LCN2: variants seen among roughly 807,000 people sequenced by gnomAD.
The protein encoded by LCN2 is neutrophil gelatinase-associated lipocalin.
In LCN2, 27 loss-of-function variants were observed where a neutral mutation model predicts 26.4. That is an observed-to-expected ratio of 1.02 (90% CI 0.76 to 1.41). The LOEUF (loss-of-function observed/expected upper bound fraction) is 1.41. LCN2 is among the 40% of genes most tolerant of loss of function. LCN2 has a pLI of 0.00. For synonymous variants in LCN2, 94 were observed against 98.9 expected, an observed-to-expected ratio of 0.95 and a Z score of 0.30; for missense variants, 224 against 237.6, an observed-to-expected ratio of 0.94 and a Z score of 0.38.
chr9:128,150,140 G>A, intron 1 of LCN2, 98 bp from the exon 2 acceptor site: 1 of 1,496,120 alleles, frequency 6.7e-7, no homozygotes, highest in Non-Finnish European at 9.0e-7. Context: ...GGGGCTCATG[G>A]TTCCAAGCTG....
chr9:128,152,296 T>C lies in LCN2; in HGVS notation c.577+12T>C, dbSNP rs1167101427. On this transcript the variant is annotated intron_variant, in intron 5 of 6. Coordinates refer to ENST00000277480, the MANE Select transcript of LCN2 (RefSeq NM_005564.5). ...CCCTGTCCCAATCGGTAATGGCCAGTCTGGATGAGGGGACGGGGACATGGG... is the reference window on the plus strand; with the variant it reads ...CCCTGTCCCAATCGGTAATGGCCAGCCTGGATGAGGGGACGGGGACATGGG... The C allele has an allele frequency of 1.1e-5, 17 of 1,610,012 alleles. No individual in the cohort carries two copies. Among genetic ancestry groups the C allele is most frequent in the Non-Finnish European group, 1.3e-5 (15 of 1,176,598 alleles).
At chr9:128,151,870 A>G (rs1835010576) in intron 3 of LCN2, 36 bp from the exon 4 acceptor site, 1 of 1,612,544 alleles carries the variant, frequency 6.2e-7, no homozygotes, top group Non-Finnish European at 8.5e-7. Context: ...CCTCCCATCC[A>G]GGGCAGGGCT....
At position 128,149,534 on chromosome 9, in the gene LCN2, AG is replaced by A; in HGVS notation, c.11del (p.Gly4ValfsTer7). ...TCCTCGGCCCTGAAATCATGCCCCT[AG>A]GTCTCCTGTGGCTGGGCCTAGCCCT... Reference protein sequence around the residue: MPLGLLWLGLALLG... With the variant: MPLXLLWLGLALLG... On this transcript the variant is annotated frameshift_variant, in exon 1 of 7. Coordinates refer to ENST00000277480, the MANE Select transcript of LCN2 (RefSeq NM_005564.5). LOFTEE classifies it high-confidence loss of function. The A allele has an allele frequency of 6.2e-7, 1 of 1,611,934 alleles. No individual in the cohort carries two copies. The highest frequency in any genetic ancestry group is 8.5e-7 in the Non-Finnish European group (1 of 1,178,802).
Position 128,151,961 on chromosome 9 carries a change from G to T in LCN2, c.411G>T (p.Gln137His). The change falls in exon 4 of 7, where the codon CAG (glutamine) becomes CAT (histidine). Residue 137 changes from glutamine (Q) to histidine (H), a missense_variant. Transcript: ENST00000277480. Reference protein sequence around the residue: ...LVRVVSTNYNQHAMVFFKKVS... With the variant: ...LVRVVSTNYNHHAMVFFKKVS... The stretch of plus-strand genomic sequence containing the variant: ...GAGTGGTGAGCACCAACTACAACCA[G>T]CATGCTATGGTGTTCTTCAAGAAAG... 1.9e-6 allele frequency: 3 copies of T among 1,614,126 alleles called. No individual in the cohort carries two copies. Among genetic ancestry groups the T allele is most frequent in the Non-Finnish European group, 2.5e-6 (3 of 1,179,992 alleles).
At chr9:128,149,767 G>A in intron 1 of LCN2, 104 bp downstream of exon 1, 3 of 1,392,022 alleles carry the variant, frequency 2.2e-6, no homozygotes. Flanking sequence ...CAGGACTCTA[G>A]GAGTCCAGGG....
Position 128,151,798 on chromosome 9 carries a change from C to T in LCN2, c.355+81C>T, listed in dbSNP as rs1412272577. On this transcript the variant is annotated intron_variant, in intron 3 of 6. Coordinates refer to ENST00000277480, the MANE Select transcript of LCN2 (RefSeq NM_005564.5). ...GCACAGACCTTCCTGCCCCTCCACACAGATGTGTTGTATGGGGAGAAGCCC... is the reference window on the plus strand; with the variant it reads ...GCACAGACCTTCCTGCCCCTCCACATAGATGTGTTGTATGGGGAGAAGCCC... 5.0e-6 allele frequency: 8 copies of T among 1,590,462 alleles called. No homozygotes were observed. In the African/African-American group the frequency reaches 1.1e-4, roughly 21 times the overall value.
rs1432483052 is a variant in LCN2, at chr9:128,152,193, G to C, written c.486G>C (p.Lys162Asn). 6.2e-7 allele frequency: 1 copy of C among 1,614,018 alleles called. No homozygotes were observed. Among genetic ancestry groups the C allele is most frequent in the African/African-American group, 1.3e-5 (1 of 74,938 alleles). Residue 162 changes from lysine to asparagine, a missense_variant, in exon 5 of 7, where the codon AAG (lysine) becomes AAC (asparagine). By Grantham distance (94) the Lys-to-Asn change is moderately conservative. Transcript: ENST00000277480. The part of the protein sequence containing the change: ...YFKITLYGRT[K>N]ELTSELKENF... ...CCATCTTGGTCACAGGGAGAACCAAGGAGCTGACTTCGGAACTAAAGGAGA... is the reference window on the plus strand; with the variant it reads ...CCATCTTGGTCACAGGGAGAACCAACGAGCTGACTTCGGAACTAAAGGAGA...
In LCN2 at chr9:128,153,010, G is replaced by C; in HGVS notation, c.578-90G>C. 1 of 1,597,250 alleles carries C rather than the reference G, an allele frequency of 6.3e-7. No individual in the cohort carries two copies. The highest frequency in any genetic ancestry group is 8.6e-7 in the Non-Finnish European group (1 of 1,166,096). On this transcript the variant is annotated intron_variant, in intron 5 of 6. Coordinates refer to ENST00000277480, the MANE Select transcript of LCN2 (RefSeq NM_005564.5). The surrounding 1 kb of genome is among the most constrained non-coding windows in gnomAD (Gnocchi z 5.4). ...GCAGGGGCTGCCCAGGGGCAGTGCA[G>C]AGGACCTGGCAGTCAGGGATCACAC...
intron 2 of LCN2, 99 bp downstream of exon 2, chr9:128,150,473 G>A (rs1588086184): frequency 2.0e-6 from 3 of 1,483,054 alleles, no homozygotes; most frequent in East Asian, 2.3e-5. Flanking sequence ...TCGCTGTTCT[G>A]CCCGGAATTC....
At chr9:128,151,744 G>A (rs1433019248) in intron 3 of LCN2, 27 bp downstream of exon 3, 2 of 1,607,494 alleles carry the variant, frequency 1.2e-6, no homozygotes, top group Non-Finnish European at 1.7e-6. Flanking sequence ...GTGGGGCACT[G>A]AGTTGGGGCT....
rs1261419593 is a variant in LCN2, at chr9:128,153,366, C to G, written c.*63C>G. The G allele has an allele frequency of 3.4e-6, 2 of 582,284 alleles. No individual in the cohort carries two copies. Among genetic ancestry groups the G allele is most frequent in the East Asian group, 5.8e-5 (2 of 34,514 alleles). 36.1% of individuals were successfully genotyped at this position (582,284 alleles called of 1,614,324 possible). The stretch of plus-strand genomic sequence containing the variant: ...ACCATTGAGGGAGCTGGGAGACCCT[C>G]CCCACAGTGCCACCCATGCAGCTGC... On this transcript the variant is annotated 3_prime_UTR_variant, in exon 7 of 7. Coordinates refer to ENST00000277480, the MANE Select transcript of LCN2 (RefSeq NM_005564.5). The surrounding 1 kb of genome is among the most constrained non-coding windows in gnomAD (Gnocchi z 5.4).
At position 128,149,584 on chromosome 9, in the gene LCN2, C is replaced by A. The variant is rs763569303; in HGVS notation, c.59C>A (p.Ala20Asp). The change falls in exon 1 of 7, where the codon GCC becomes GAC. Residue 20 changes from alanine (A) to aspartate (D), a missense_variant. By Grantham distance (126) the Ala-to-Asp change is moderately radical (BLOSUM62 -2). Transcript: ENST00000277480. ...CTGTTGGGGGCTCTGCATGCCCAGG[C>A]CCAGGACTCCACCTCAGACCTGATC... Reference protein sequence around the residue: ...LALLGALHAQAQDSTSDLIPA... With the variant: ...LALLGALHAQDQDSTSDLIPA... 32 of 1,613,888 alleles carry A rather than the reference C, an allele frequency of 2.0e-5. No individual in the cohort carries two copies. The highest frequency in any genetic ancestry group is 2.1e-5 in the Non-Finnish European group (25 of 1,179,966).
chr9:128,150,907 G>A (rs906801885), intron 2 of LCN2, among the ~76,000 whole-genome samples: 3 of 152,234 alleles, frequency 2.0e-5, no homozygotes, highest in African/African-American at 7.2e-5. Flanking sequence ...TTAGAGCAGG[G>A]CTCTTGGGCC....
intron 1 of LCN2, among the ~76,000 whole-genome samples, 168 bp downstream of exon 1, chr9:128,149,831 C>G (rs565652107): frequency 6.7e-6 from 1 of 149,618 alleles, no homozygotes; most frequent in South Asian, 2.2e-4. Context: ...AAACCATGCC[C>G]CTTCCCCCCA....
Position 128,150,382 on chromosome 9 carries a change from C to T in LCN2, c.275+8C>T. ...CACCTCCGTCCTGTTTAGGTGAGGG[C>T]CGACATCTCCTGGGGGTGTGAGAGT... On this transcript the variant is annotated splice_region_variant and intron_variant, in intron 2 of 6. Transcript: ENST00000277480. 1 of 1,614,186 alleles carries T rather than the reference C, an allele frequency of 6.2e-7. No homozygotes were observed.
chr9:128,153,110 C>G lies in LCN2; in HGVS notation c.588C>G (p.Ile196Met), dbSNP rs755704608. 13 of 1,614,002 alleles carry G rather than the reference C, an allele frequency of 8.1e-6. No individual in the cohort carries two copies. The highest frequency in any genetic ancestry group is 1.7e-5 in the Admixed American group (1 of 60,002). ...IVFPVPIDQC[I>M]DG ...CTTTCTCCCTAACAGACCAGTGTAT[C>G]GACGGCTGAGTGCACAGTGAGTGTG... Residue 196 changes from isoleucine to methionine, a missense_variant, in exon 6 of 7, where the codon ATC becomes ATG. Coordinates refer to ENST00000277480, the MANE Select transcript of LCN2 (RefSeq NM_005564.5). This position sits in a 1 kb window ranked among gnomAD's most constrained non-coding sequence, Gnocchi z 5.4.
In LCN2 at chr9:128,152,434, G is replaced by C. The variant is rs900248622; in HGVS notation, c.577+150G>C. ...CCAGGAGCTCCTTGGAAGCCACTCTGGGCCCAGGAAGACTGTGCCCCACCC... is the reference window on the plus strand; with the variant it reads ...CCAGGAGCTCCTTGGAAGCCACTCTCGGCCCAGGAAGACTGTGCCCCACCC... On this transcript the variant is annotated intron_variant, in intron 5 of 6. Coordinates refer to ENST00000277480, the MANE Select transcript of LCN2 (RefSeq NM_005564.5). 2.2e-4 allele frequency: 153 copies of C among 680,694 alleles called. No individual in the cohort carries two copies. In the East Asian group the frequency reaches 4.1e-3, roughly 18 times the overall value. 42.2% of individuals were successfully genotyped at this position (680,694 alleles called of 1,614,324 possible).
chr9:128,151,484 A>G (rs1391277366), intron 2 of LCN2, 154 bp from the exon 3 acceptor site: 5 of 663,874 alleles, frequency 7.5e-6, no homozygotes, highest in Non-Finnish European at 1.4e-5. Flanking sequence ...TGGGTGGGGT[A>G]GGGCCCCTCC....
Position 128,153,172 on chromosome 9 carries a change from G to T in LCN2, c.*7+46G>T. The T allele has an allele frequency of 6.2e-7, 1 of 1,612,426 alleles. No individual in the cohort carries two copies. The highest frequency in any genetic ancestry group is 8.5e-7 in the Non-Finnish European group (1 of 1,178,926). On this transcript the variant is annotated intron_variant, in intron 6 of 6. Transcript: ENST00000277480. This position sits in a 1 kb window ranked among gnomAD's most constrained non-coding sequence, Gnocchi z 5.4. ...GCGAGGGGGCTTGTGGGAGGCCAGG[G>T]TGCAGTGGGCTGGGGGTCTTGGGCC...
Sources: gnomAD v4.1 joint callset for allele counts (sites outside exome capture counted in the v4.1 genomes callset) on GRCh38, gnomAD v4.1.1 for gene constraint, Gnocchi (gnomAD v3.1) non-coding constraint, MANE v1.5 for transcripts, NCBI Gene and HGNC (gene_info 2026-07-23, HGNC 2026-07-21) for gene names.